The following KAT6B variants were observed in gnomAD, a reference collection of about 807,000 sequenced individuals.
KAT6B encodes histone acetyltransferase KAT6B.
A neutral mutation model predicts 187.5 loss-of-function variants in KAT6B; 10 were observed. That is an observed-to-expected ratio of 0.05 (90% CI 0.03 to 0.09). The LOEUF is 0.09. KAT6B is among the 10% of genes least tolerant of loss of function. KAT6B has a pLI of 1.00. For synonymous variants in KAT6B, 861 were observed against 926.8 expected, an observed-to-expected ratio of 0.93 and a Z score of 1.29; for missense variants, 1,952 against 2,558.9, an observed-to-expected ratio of 0.76 and a Z score of 5.12.
intron 13 of KAT6B, among the ~76,000 whole-genome samples, chr10:74,998,213 C>A (rs1564613478): frequency 3.3e-5 from 5 of 152,118 alleles, no homozygotes; most frequent in African/African-American, 1.2e-4. Flanking sequence ...CTTGGCCTCC[C>A]AAGTGTGGGA....
chr10:74,851,235 G>A (rs375644799), intron 3 of KAT6B, among the ~76,000 whole-genome samples: 38 of 151,810 alleles, frequency 2.5e-4, no homozygotes, highest in African/African-American at 9.2e-4. Context: ...AGCCTCCTGA[G>A]TAGTTGGGGA....
At chr10:74,920,273 T>C (rs536386745) in intron 3 of KAT6B, among the ~76,000 whole-genome samples, 136 of 152,332 alleles carry the variant, frequency 8.9e-4, no homozygotes, top group Non-Finnish European at 1.6e-3. Context: ...CAGTTCACTT[T>C]CCCTCTTTGA....
Position 74,909,157 on chromosome 10 carries a change from G to C in KAT6B, c.622-50813G>C, listed in dbSNP as rs118181963. Among the ~76,000 whole-genome samples the C allele has an allele frequency of 1.8e-3, 281 of 152,336 alleles. 1 individual carries two copies. Among genetic ancestry groups the C allele is most frequent in the Non-Finnish European group, 3.1e-3 (210 of 68,032 alleles). On this transcript the variant is annotated intron_variant, in intron 3 of 17. Transcript: ENST00000287239. ...AGGCCAAGGTGGGCAGATCACCTTA[G>C]GTCAGGAGTTCGAGACTAGCCTTGC...
chr10:74,947,025 A>G (rs1010121742), intron 3 of KAT6B, among the ~76,000 whole-genome samples: 6 of 152,024 alleles, frequency 3.9e-5, no homozygotes, highest in African/African-American at 1.5e-4. Context: ...TTTTGAGACG[A>G]GTCTTACTGT....
chr10:74,960,006 T>A lies in KAT6B; in HGVS notation c.658T>A (p.Leu220Met). 1 of 1,613,536 alleles carries A rather than the reference T, an allele frequency of 6.2e-7. No individual in the cohort carries two copies. Among genetic ancestry groups the A allele is most frequent in the Non-Finnish European group, 8.5e-7 (1 of 1,179,458 alleles). ...ADPIPICSFC[L>M]GTKESNREKK... ...TCCCATTCCAATATGTAGCTTCTGT[T>A]TGGGGACTAAAGAATCAAATCGTGA... The change falls in exon 4 of 18, where the codon TTG becomes ATG. Residue 220 changes from leucine to methionine, a missense_variant. Physicochemically the swap from Leu to Met is conservative, Grantham distance 15. Transcript: ENST00000287239.
intron 3 of KAT6B, among the ~76,000 whole-genome samples, chr10:74,871,036 C>T (rs2132403120): frequency 6.6e-6 from 1 of 151,512 alleles, no homozygotes; most frequent in East Asian, 1.9e-4. Context: ...CAGCACCACG[C>T]CCAACTAATT....
Position 74,981,878 on chromosome 10 carries a change from C to T in KAT6B, c.2323C>T (p.His775Tyr), listed in dbSNP as rs1476692259. 5.6e-6 allele frequency: 9 copies of T among 1,613,056 alleles called. No individual in the cohort carries two copies. Among genetic ancestry groups the T allele is most frequent in the Non-Finnish European group, 7.6e-6 (9 of 1,179,148 alleles). The change falls in exon 11 of 18, where the codon CAT becomes TAT. Residue 775 changes from histidine (H) to tyrosine (Y), a missense_variant. His to Tyr is a moderately conservative substitution (Grantham distance 83, BLOSUM62 2). Transcript: ENST00000287239. Reference sequence around the variant, plus strand: ...ACACTCCAAGAAGTGTGGATGGTTTCATCCTCCAGCAAATGAAATTTACCG... The same window carrying T: ...ACACTCCAAGAAGTGTGGATGGTTTTATCCTCCAGCAAATGAAATTTACCG... ...LRHSKKCGWF[H>Y]PPANEIYRRK... is the part of the protein sequence containing the mutation.
intron 3 of KAT6B, among the ~76,000 whole-genome samples, chr10:74,863,351 A>G (rs1389281026): frequency 6.6e-6 from 1 of 152,200 alleles, no homozygotes; most frequent in African/African-American, 2.4e-5. Flanking sequence ...ATAGCTGCAT[A>G]GTATTTATGT....
At chr10:74,961,789 A>G (rs1228191176) in intron 4 of KAT6B, among the ~76,000 whole-genome samples, 1 of 152,166 alleles carries the variant, frequency 6.6e-6, no homozygotes, top group Non-Finnish European at 1.5e-5. Context: ...TTTTCAGGGT[A>G]AAGCCAGGGG....
chr10:74,990,662 A>G (rs1843077910), intron 13 of KAT6B, among the ~76,000 whole-genome samples: 1 of 152,184 alleles, frequency 6.6e-6, no homozygotes. Flanking sequence ...GCAGTGTACC[A>G]TTTTTATTTT....
chr10:74,953,243 GTC>G (rs1840443887), intron 3 of KAT6B, among the ~76,000 whole-genome samples: 1 of 151,906 alleles, frequency 6.6e-6, no homozygotes, highest in South Asian at 2.1e-4. Context: ...GAAAATGAAA[GTC>G]TTTTATAGAG....
chr10:74,893,480 T>G (rs918201425), intron 3 of KAT6B, among the ~76,000 whole-genome samples: 12 of 152,146 alleles, frequency 7.9e-5, no homozygotes, highest in African/African-American at 2.9e-4. Flanking sequence ...TTTTTTGTTT[T>G]TTTTTAAAGA....
chr10:74,837,851 T>G (rs1405100962), intron 1 of KAT6B, among the ~76,000 whole-genome samples: 2 of 150,348 alleles, frequency 1.3e-5, no homozygotes, highest in Non-Finnish European at 2.9e-5. Flanking sequence ...CTGTGTATTT[T>G]TTTTTTTTTT....
intron 3 of KAT6B, among the ~76,000 whole-genome samples, chr10:74,918,469 C>T (rs760648750): frequency 5.3e-5 from 8 of 152,108 alleles, no homozygotes; most frequent in Admixed American, 3.3e-4. Context: ...AGGCTGGGCA[C>T]GGTGGCTCAT....
At chr10:74,980,788 A>T (rs558199969) in intron 10 of KAT6B, among the ~76,000 whole-genome samples, 1 of 152,356 alleles carries the variant, frequency 6.6e-6, no homozygotes, top group African/African-American at 2.4e-5. Context: ...AAAAGTCAGC[A>T]GGGAAGAGAG....
intron 3 of KAT6B, among the ~76,000 whole-genome samples, chr10:74,949,387 C>A (rs1840162685): frequency 6.6e-6 from 1 of 152,074 alleles, no homozygotes; most frequent in Non-Finnish European, 1.5e-5. Flanking sequence ...CCGCGCCCCA[C>A]CCCTAAGAAA....
chr10:74,978,444 T>G (rs933908521), intron 9 of KAT6B, among the ~76,000 whole-genome samples: 1 of 152,172 alleles, frequency 6.6e-6, no homozygotes, highest in East Asian at 1.9e-4. Flanking sequence ...GGATGCCACC[T>G]CTTTTAAAAA....
At position 75,029,611 on chromosome 10, in the gene KAT6B, A is replaced by C; in HGVS notation, c.4787A>C (p.His1596Pro). 1 of 1,614,142 alleles carries C rather than the reference A, an allele frequency of 6.2e-7. No homozygotes were observed. Among genetic ancestry groups the C allele is most frequent in the Non-Finnish European group, 8.5e-7 (1 of 1,180,022 alleles). ...TTLDDCQQSD[H>P]SSPVSSVHSH... is the part of the protein sequence containing the mutation. ...CTCGACGATTGCCAACAGTCGGACCACAGTAGCCCAGTTTCATCCGTCCAC... is the reference window on the plus strand; with the variant it reads ...CTCGACGATTGCCAACAGTCGGACCCCAGTAGCCCAGTTTCATCCGTCCAC... The change falls in exon 18 of 18, where the codon CAC becomes CCC. Residue 1596 changes from histidine to proline, a missense_variant. Around this residue, in one of 9 missense-constraint regions of KAT6B, gnomAD observed 758 missense variants for 891.4 expected, o/e 0.85. Transcript: ENST00000287239. This position sits in a 1 kb window ranked among gnomAD's most constrained non-coding sequence, Gnocchi z 6.2.
chr10:75,008,367 T>C (rs774553731), intron 13 of KAT6B, among the ~76,000 whole-genome samples: 39 of 152,160 alleles, frequency 2.6e-4, no homozygotes, highest in Non-Finnish European at 4.9e-4. Flanking sequence ...CTTTAGGCAC[T>C]AGAAACAGAA....
Sources: allele counts gnomAD v4.1 joint callset (sites outside exome capture counted in the v4.1 genomes callset), GRCh38; gene constraint gnomAD v4.1.1; regional missense constraint gnomAD v4.1.1; non-coding constraint Gnocchi (gnomAD v3.1); transcripts MANE v1.5; gene names NCBI Gene and HGNC (gene_info 2026-07-23, HGNC 2026-07-21).